SUMF1: variants seen among roughly 807,000 people sequenced by gnomAD.
SUMF1 encodes the protein sulfatase modifying factor 1, also known as formylglycine-generating enzyme.
Under a neutral mutation model 47.6 loss-of-function variants are expected in SUMF1, and 48 were observed. The ratio of observed to expected loss-of-function variants is 1.01; its 90% CI spans 0.80 to 1.28. SUMF1 has a LOEUF of 1.28. Ranked by LOEUF, SUMF1 falls within the 50% of genes most tolerant of loss-of-function variation. The pLI, the probability that SUMF1 is intolerant of heterozygous loss-of-function variation, is 0.00. For synonymous variants in SUMF1, 230 were observed against 192.1 expected, an observed-to-expected ratio of 1.20 and a Z score of -1.63; for missense variants, 571 against 485.4, an observed-to-expected ratio of 1.18 and a Z score of -1.66.
intron 8 of SUMF1, chr3:4,316,794 A>G (rs1278570385): frequency 1.3e-6 from 2 of 1,550,710 alleles, no homozygotes; most frequent in South Asian, 1.2e-5. Flanking sequence ...CATGGTCACT[A>G]TTTGGTGGTC....
intron 9 of SUMF1, among the ~76,000 whole-genome samples, chr3:4,057,607 C>T (rs369433445): frequency 2.1e-4 from 32 of 152,130 alleles, no homozygotes; most frequent in African/African-American, 7.5e-4. Context: ...AGAATAATGC[C>T]CTGTGCCTCC....
intron 8 of SUMF1, among the ~76,000 whole-genome samples, chr3:4,136,332 C>T (rs1043911980): frequency 1.3e-5 from 2 of 152,114 alleles, no homozygotes; most frequent in African/African-American, 4.8e-5. Context: ...CTACAACCAT[C>T]TGATCTTTGA....
chr3:4,037,743 G>T (rs980919351), intron 9 of SUMF1, among the ~76,000 whole-genome samples: 4 of 152,190 alleles, frequency 2.6e-5, no homozygotes, highest in Non-Finnish European at 5.9e-5. Flanking sequence ...CATTTGGGTT[G>T]CCAGAGTTCT....
chr3:4,439,479 T>C (rs1015502371), intron 3 of SUMF1, among the ~76,000 whole-genome samples: 10 of 151,942 alleles, frequency 6.6e-5, no homozygotes, highest in African/African-American at 2.4e-4. Flanking sequence ...TGAGCAGAGA[T>C]TACACCACTG....
chr3:4,272,895 C>T lies in SUMF1; in HGVS notation c.1014+103435G>A, dbSNP rs141790777. 9.2e-4 allele frequency among the ~76,000 whole-genome samples: 139 copies of T among 151,904 alleles called. 1 individual carries two copies. Among genetic ancestry groups the T allele is most frequent in the Admixed American group, 5.4e-3 (82 of 15,254 alleles). On this transcript the variant is annotated intron_variant and NMD_transcript_variant, in intron 8 of 12. Transcript: ENST00000448413. ...TTGAGACCAACCTGGGCAATATAGC[C>T]AGACAGCATCTCTACAGAAAAGTTT...
chr3:4,141,324 G>T (rs1389893148), intron 8 of SUMF1, among the ~76,000 whole-genome samples: 1 of 152,092 alleles, frequency 6.6e-6, no homozygotes, highest in Admixed American at 6.6e-5. Context: ...TTATTGAAAT[G>T]GCCAAGGGGG....
intron 8 of SUMF1, among the ~76,000 whole-genome samples, chr3:4,314,706 A>G (rs549734627): frequency 2.6e-5 from 4 of 152,312 alleles, no homozygotes; most frequent in African/African-American, 9.6e-5. Flanking sequence ...GAGTTTTATG[A>G]TCCCGTTTAA....
At chr3:4,080,600 A>G (rs1469037892) in intron 8 of SUMF1, among the ~76,000 whole-genome samples, 1 of 152,126 alleles carries the variant, frequency 6.6e-6, no homozygotes, top group Non-Finnish European at 1.5e-5. Flanking sequence ...CATCCAAACA[A>G]TGTTCTAAAA....
At chr3:4,440,793 T>G (rs1702561329) in intron 3 of SUMF1, among the ~76,000 whole-genome samples, 1 of 152,228 alleles carries the variant, frequency 6.6e-6, no homozygotes, top group Non-Finnish European at 1.5e-5. Flanking sequence ...CTTAAACTGT[T>G]GATCCAGAAA....
intron 8 of SUMF1, among the ~76,000 whole-genome samples, chr3:4,330,773 C>A (rs1421554683): frequency 2.0e-5 from 3 of 152,108 alleles, no homozygotes; most frequent in Non-Finnish European, 4.4e-5. Flanking sequence ...AAGAGAAAAG[C>A]AAATTTTACC....
chr3:4,097,530 G>A (rs1692933687), intron 8 of SUMF1, among the ~76,000 whole-genome samples: 1 of 152,070 alleles, frequency 6.6e-6, no homozygotes, highest in Non-Finnish European at 1.5e-5. Flanking sequence ...TCCAGCCTGG[G>A]TGACATAGTG....
intron 8 of SUMF1, among the ~76,000 whole-genome samples, chr3:4,298,383 C>T (rs1409651837): frequency 3.9e-5 from 6 of 152,164 alleles, no homozygotes; most frequent in East Asian, 3.8e-4. Context: ...ATCTCATACT[C>T]TATAAAATAC....
At chr3:4,172,469 A>C (rs1694853220) in intron 8 of SUMF1, among the ~76,000 whole-genome samples, 1 of 152,192 alleles carries the variant, frequency 6.6e-6, no homozygotes, top group South Asian at 2.1e-4. Flanking sequence ...CATTCTTCTG[A>C]GAACTTTCCT....
chr3:4,214,712 A>G (rs1346881161), intron 8 of SUMF1, among the ~76,000 whole-genome samples: 1 of 152,146 alleles, frequency 6.6e-6, no homozygotes, highest in East Asian at 1.9e-4. Context: ...CATATAGGGG[A>G]TATTACCACT....
chr3:4,162,838 T>G (rs916185906), intron 8 of SUMF1, among the ~76,000 whole-genome samples: 1 of 151,858 alleles, frequency 6.6e-6, no homozygotes, highest in African/African-American at 2.4e-5. Flanking sequence ...GTTGTTAAGT[T>G]TGGTGTTCCT....
At chr3:4,213,892 G>C (rs1373475451) in intron 8 of SUMF1, among the ~76,000 whole-genome samples, 1 of 152,096 alleles carries the variant, frequency 6.6e-6, no homozygotes, top group African/African-American at 2.4e-5. Flanking sequence ...CAATACAGGA[G>C]GATCCAGATT....
At chr3:4,302,465 C>A (rs1185770298) in intron 8 of SUMF1, among the ~76,000 whole-genome samples, 2 of 116,788 alleles carry the variant, frequency 1.7e-5, no homozygotes, top group African/African-American at 8.8e-5. Context: ...ATGAAGCCTC[C>A]AAGAGGTAAA....
At chr3:4,206,793 C>A (rs1356575072) in intron 8 of SUMF1, among the ~76,000 whole-genome samples, 1 of 151,954 alleles carries the variant, frequency 6.6e-6, no homozygotes, top group Non-Finnish European at 1.5e-5. Flanking sequence ...CCATCTTGCT[C>A]CACCTCTCCC....
At chr3:4,151,716 T>C (rs1694340388) in intron 8 of SUMF1, among the ~76,000 whole-genome samples, 1 of 138,256 alleles carries the variant, frequency 7.2e-6, no homozygotes, top group Admixed American at 7.1e-5. Flanking sequence ...AAAAAAAAAA[T>C]CACAAAAAAA....
Sources: gnomAD v4.1 joint callset for allele counts (sites outside exome capture counted in the v4.1 genomes callset) on GRCh38, gnomAD v4.1.1 for gene constraint, MANE v1.5 for transcripts, NCBI Gene and HGNC (gene_info 2026-07-23, HGNC 2026-07-21) for gene names.